The following SLC9A3 variants were observed in gnomAD, a reference collection of about 807,000 sequenced individuals.
The protein encoded by SLC9A3 is solute carrier family 9 member A3, also known as sodium/hydrogen exchanger 3.
Under a neutral mutation model 86.8 loss-of-function variants are expected in SLC9A3, and 37 were observed. The ratio of observed to expected loss-of-function variants is 0.43; its 90% confidence interval spans 0.33 to 0.56. The LOEUF is 0.56. Ranked by LOEUF, SLC9A3 falls within the 20% of genes least tolerant of loss-of-function variation. SLC9A3 has a pLI of 0.06. For missense variants in SLC9A3, 1,011 were observed against 1,171.9 expected, an observed-to-expected ratio of 0.86 and a Z score of 2.00; for synonymous variants, 581 against 528.3, an observed-to-expected ratio of 1.10 and a Z score of -1.37.
chr5:503,468 G>A (rs1740400868), intron 1 of SLC9A3, among the ~76,000 whole-genome samples: 1 of 152,214 alleles, frequency 6.6e-6, no homozygotes, highest in Admixed American at 6.5e-5. Context: ...AGCCTGGGCG[G>A]GTTGAGGCTG....
intron 1 of SLC9A3, among the ~76,000 whole-genome samples, chr5:513,741 TC>T (rs1166684532): frequency 6.6e-6 from 1 of 152,174 alleles, no homozygotes; most frequent in Non-Finnish European, 1.5e-5. Context: ...CCTCGCCTTC[TC>T]CCCCTGTGAT....
rs1398689798 is a variant in SLC9A3, at chr5:479,742, G to T, written c.1647+94C>A. ...GGGGTGGGCCTGGCCTTGGGACGCG[G>T]GTGCAGGGGCCTCTCCTCACTGCCC... On this transcript the variant is annotated intron_variant, in intron 10 of 16. Coordinates refer to ENST00000264938, the MANE Select transcript of SLC9A3 (RefSeq NM_004174.4). 3.0e-6 allele frequency: 4 copies of T among 1,347,626 alleles called. No individual in the cohort carries two copies. The African/African-American group carries it at 7.0e-5, about 23-fold the overall frequency. The allele number at this position is 1,347,626 out of a possible 1,614,324, so 83.5% of individuals were successfully genotyped here.
At chr5:514,859 G>T (rs1039305192) in intron 1 of SLC9A3, among the ~76,000 whole-genome samples, 1 of 152,226 alleles carries the variant, frequency 6.6e-6, no homozygotes, top group African/African-American at 2.4e-5. Context: ...CAGAAAGGAG[G>T]AAGCTGCCAG....
In SLC9A3 at chr5:471,815, G is replaced by A. The variant is rs1383495649; in HGVS notation, c.*1564C>T. On this transcript the variant is annotated 3_prime_UTR_variant, in exon 17 of 17. Coordinates refer to ENST00000264938, the MANE Select transcript of SLC9A3 (RefSeq NM_004174.4). ...CGGTCATGCAGGCTTTTGTGTGGCTGACGCTTCCCTTTTTCACAACAGTAA... is the reference window on the plus strand; with the variant it reads ...CGGTCATGCAGGCTTTTGTGTGGCTAACGCTTCCCTTTTTCACAACAGTAA... 4.4e-6 allele frequency: 2 copies of A among 456,502 alleles called. No homozygotes were observed. The highest frequency in any genetic ancestry group is 8.8e-6 in the Non-Finnish European group (2 of 226,970). The allele number at this position is 456,502 out of a possible 1,614,324, so 28.3% of individuals were successfully genotyped here.
Position 497,297 on chromosome 5 carries a change from A to T in SLC9A3, c.212-5226T>A, listed in dbSNP as rs1353191357. Among the ~76,000 whole-genome samples the T allele has an allele frequency of 1.3e-5, 2 of 152,112 alleles. No individual in the cohort carries two copies. Among genetic ancestry groups the T allele is most frequent in the African/African-American group, 2.4e-5 (1 of 41,418 alleles). ...TCGGGCGACACGGTGCACTGGCCGAATTCCCTCCAGGTGCAGGAGTCGACG... is the reference window on the plus strand; with the variant it reads ...TCGGGCGACACGGTGCACTGGCCGATTTCCCTCCAGGTGCAGGAGTCGACG... On this transcript the variant is annotated intron_variant, in intron 1 of 16. Coordinates refer to ENST00000264938, the MANE Select transcript of SLC9A3 (RefSeq NM_004174.4). This position sits in a 1 kb window ranked among gnomAD's most constrained non-coding sequence, Gnocchi z 5.4.
At chr5:473,441 G>A in intron 16 of SLC9A3, 59 bp from the exon 17 acceptor site, 6 of 1,314,762 alleles carry the variant, frequency 4.6e-6, no homozygotes, top group Non-Finnish European at 5.8e-6. Context: ...CGGGAGGGGC[G>A]TCCCCGGGGG....
chr5:475,816 G>A lies in SLC9A3; in HGVS notation c.2141-145C>T, dbSNP rs62331634. The A allele has an allele frequency of 3.6e-3, 2,472 of 693,534 alleles. 11 individuals are homozygous for A. The highest frequency in any genetic ancestry group is 5.4e-3 in the Non-Finnish European group (2,159 of 399,400). 43.0% of individuals were successfully genotyped at this position (693,534 alleles called of 1,614,324 possible). The stretch of plus-strand genomic sequence containing the variant: ...AGGGCTAAACCGCAGGGCTGGAGGA[G>A]GGACCCCACTTAGAGGGCAGTGTCC... On this transcript the variant is annotated intron_variant, in intron 14 of 16. Transcript: ENST00000264938.
chr5:507,267 A>C (rs544394743), intron 1 of SLC9A3, among the ~76,000 whole-genome samples: 159 of 123,792 alleles, frequency 1.3e-3, no homozygotes, highest in Non-Finnish European at 2.1e-3. Flanking sequence ...TCCCGGGTTC[A>C]CGCCATTCTC....
chr5:509,014 A>T (rs2126648948), intron 1 of SLC9A3, among the ~76,000 whole-genome samples: 1 of 152,174 alleles, frequency 6.6e-6, no homozygotes, highest in South Asian at 2.1e-4. Flanking sequence ...AGGCTGAGGC[A>T]GTAGGATCAC....
chr5:476,063 C>T lies in SLC9A3; in HGVS notation c.2097G>A (p.Leu699=). Residue 699 remains leucine (L), a synonymous_variant, in exon 14 of 17, where the codon CTG becomes CTA. Transcript: ENST00000264938. The part of the protein sequence containing the change: ...RRNSSIPNGK[L]PMESPAQNFT... ...AATTCTGCGCAGGGCTCTCCATGGG[C>T]AGCTTCCCATTGGGGATGCTGCTGT... 6.2e-7 allele frequency: 1 copy of T among 1,613,370 alleles called. No homozygotes were observed. The highest frequency in any genetic ancestry group is 8.5e-7 in the Non-Finnish European group (1 of 1,179,902).
rs775477444 is a variant in SLC9A3 at position 475,119 on chromosome 5, A to G, written c.2265T>C (p.Pro755=). 5 of 1,596,652 alleles carry G rather than the reference A, an allele frequency of 3.1e-6. No individual in the cohort carries two copies. In the Admixed American group the frequency reaches 6.8e-5, roughly 22 times the overall value. The change falls in exon 16 of 17, where the codon CCT becomes CCC. Residue 755 remains proline, a synonymous_variant. Transcript: ENST00000264938. Reference sequence around the variant, plus strand: ...CCAGGGCCTCGTCCGGAGAAAACACAGGGTTGTCAATTCCTAGGAGAGAGG... The same window carrying G: ...CCAGGGCCTCGTCCGGAGAAAACACGGGGTTGTCAATTCCTAGGAGAGAGG... ...ASDSPAGIDN[P]VFSPDEALDR... is the part of the protein sequence containing the mutation.
chr5:516,551 G>A (rs1243976172), intron 1 of SLC9A3, among the ~76,000 whole-genome samples: 1 of 152,236 alleles, frequency 6.6e-6, no homozygotes, highest in African/African-American at 2.4e-5. Flanking sequence ...TCCGAGGTCT[G>A]GCAACATCAG....
At chr5:476,167 C>T (rs1331973477) in intron 13 of SLC9A3, 35 bp downstream of exon 13, 20 of 1,612,830 alleles carry the variant, frequency 1.2e-5, no homozygotes, top group Non-Finnish European at 1.5e-5. Context: ...CTCCAGGCCC[C>T]AGCCCCGCCA....
chr5:497,509 G>A lies in SLC9A3; in HGVS notation c.212-5438C>T, dbSNP rs17563161. Among the ~76,000 whole-genome samples the A allele has an allele frequency of 0.18, 26,969 of 152,172 alleles. 3,064 individuals are homozygous for A. Among genetic ancestry groups the A allele is most frequent in the Non-Finnish European group, 0.25 (17,230 of 67,982 alleles). On this transcript the variant is annotated intron_variant, in intron 1 of 16. Transcript: ENST00000264938. The surrounding 1 kb of genome is among the most constrained non-coding windows in gnomAD (Gnocchi z 5.4). Reference sequence around the variant, plus strand: ...CCGGACTTTGCTTAGTTCACCTGTCGGAGCCACTCGTTCACGTTTATCTCT... The same window carrying A: ...CCGGACTTTGCTTAGTTCACCTGTCAGAGCCACTCGTTCACGTTTATCTCT...
At chr5:485,841 A>AT (rs1159490298) in intron 3 of SLC9A3, among the ~76,000 whole-genome samples, 1 of 152,178 alleles carries the variant, frequency 6.6e-6, no homozygotes, top group Non-Finnish European at 1.5e-5. Context: ...TTGGGTTTGC[A>AT]AATGCAGGCT....
rs1165460854 is a variant in SLC9A3, at chr5:524,229, G to A, written c.94C>T (p.Pro32Ser). ...LARAGGVEVE[P>S]GGAHGESGGF... The stretch of plus-strand genomic sequence containing the variant: ...CCGCTCTCGCCGTGCGCGCCGCCGG[G>A]CTCCACCTCGACGCCCCCGGCCCGC... The change falls in exon 1 of 17, where the codon CCC (proline) becomes TCC (serine). Residue 32 changes from proline (P) to serine (S), a missense_variant. Physicochemically the swap from Pro to Ser is moderately conservative, Grantham distance 74 (BLOSUM62 -1). Coordinates refer to ENST00000264938, the MANE Select transcript of SLC9A3 (RefSeq NM_004174.4). 1 of 1,500,892 alleles carries A rather than the reference G, an allele frequency of 6.7e-7. No individual in the cohort carries two copies. Among genetic ancestry groups the A allele is most frequent in the Non-Finnish European group, 8.9e-7 (1 of 1,124,852 alleles). The allele number at this position is 1,500,892 out of a possible 1,614,324, so 93.0% of individuals were successfully genotyped here.
In SLC9A3 at chr5:473,094, C is replaced by A; in HGVS notation, c.*285G>T. ...CTGGAACGAGCGCCGGCTGTGCACG[C>A]GGCGCGCCGCCGCCGAACGCGCGTG... On this transcript the variant is annotated 3_prime_UTR_variant, in exon 17 of 17. Coordinates refer to ENST00000264938, the MANE Select transcript of SLC9A3 (RefSeq NM_004174.4). 1 of 182,434 alleles carries A rather than the reference C, an allele frequency of 5.5e-6. No individual in the cohort carries two copies. Among genetic ancestry groups the A allele is most frequent in the Non-Finnish European group, 1.1e-5 (1 of 92,368 alleles). 11.3% of individuals were successfully genotyped at this position (182,434 alleles called of 1,614,324 possible). A position where few individuals can be genotyped will look rare whatever the true frequency, so the allele number is the denominator to read the frequency against.
chr5:474,691 G>C lies in SLC9A3; in HGVS notation c.2501+192C>G, dbSNP rs1290604038. On this transcript the variant is annotated intron_variant, in intron 16 of 16. Coordinates refer to ENST00000264938, the MANE Select transcript of SLC9A3 (RefSeq NM_004174.4). ...GGAGCTGCGGAGAGGGGTTAGGCGG[G>C]GAGAGAGAGAGCGAGCCAGGTTCAG... Among the ~76,000 whole-genome samples, 98 of 12,904 alleles carry C rather than the reference G, an allele frequency of 7.6e-3. 2 individuals are homozygous for C. Among genetic ancestry groups the C allele is most frequent in the African/African-American group, 0.017 (30 of 1,716 alleles). The allele number at this position is 12,904 out of a possible 152,430, so 8.5% of individuals were successfully genotyped here. A position where few individuals can be genotyped will look rare whatever the true frequency, so the allele number is the denominator to read the frequency against.
rs1484496044 is a variant in SLC9A3 at position 470,511 on chromosome 5, G to A, written c.*2868C>T. 6.6e-6 allele frequency: 1 copy of A among 152,356 alleles called. No homozygotes were observed. Among genetic ancestry groups the A allele is most frequent in the Non-Finnish European group, 1.5e-5 (1 of 68,032 alleles). The allele number at this position is 152,356 out of a possible 1,614,324, so 9.4% of individuals were successfully genotyped here. A position where few individuals can be genotyped will look rare whatever the true frequency, so the allele number is the denominator to read the frequency against. ...TATAAACAAAGTTTGCACCCAAAATGCCTTGAAATGTTTTTAATAGAATTG... is the reference window on the plus strand; with the variant it reads ...TATAAACAAAGTTTGCACCCAAAATACCTTGAAATGTTTTTAATAGAATTG... On this transcript the variant is annotated 3_prime_UTR_variant, in exon 17 of 17. Transcript: ENST00000264938.
Sources: allele counts gnomAD v4.1 joint callset (sites outside exome capture counted in the v4.1 genomes callset), GRCh38; gene constraint gnomAD v4.1.1; non-coding constraint Gnocchi (gnomAD v3.1); transcripts MANE v1.5; gene names NCBI Gene and HGNC (gene_info 2026-07-23, HGNC 2026-07-21).